Variants in SVOPL observed in about 807,000 individuals in gnomAD.
SVOPL encodes the protein putative transporter SVOPL.
SVOPL carries 60 observed loss-of-function variants against 61.0 expected under a neutral mutation model. The observed-to-expected ratio is 0.98, with a 90% confidence interval of 0.80 to 1.22. The LOEUF (loss-of-function observed/expected upper bound fraction) is 1.22, where lower values mean the gene tolerates loss of function less well. Ranked by LOEUF, SVOPL falls within the 50% of genes most tolerant of loss-of-function variation. SVOPL has a pLI of 0.00. For synonymous variants in SVOPL, 279 were observed against 250.0 expected, an observed-to-expected ratio of 1.12 and a Z score of -1.09; for missense variants, 662 against 643.9, an observed-to-expected ratio of 1.03 and a Z score of -0.30.
intron 9 of SVOPL, among the ~76,000 whole-genome samples, chr7:138,631,937 G>T (rs898030847): frequency 1.8e-4 from 25 of 137,434 alleles, no homozygotes; most frequent in Non-Finnish European, 3.2e-4. Flanking sequence ...GACTGCCATG[G>T]CTCAGTCCCT....
rs1798289075 is a variant in SVOPL at position 138,596,521 on chromosome 7, T to A, written c.1363A>T (p.Ser455Cys). 6.2e-7 allele frequency: 1 copy of A among 1,613,478 alleles called. No homozygotes were observed. The highest frequency in any genetic ancestry group is 1.3e-5 in the African/African-American group (1 of 74,902). ...VAPFISQVLM[S>C]ASILGALCLF... ...CACAGGGCCCCCAGTATTGATGCACTCATAAGAACCTGCAAGTCACAAGAG... is the reference window on the plus strand; with the variant it reads ...CACAGGGCCCCCAGTATTGATGCACACATAAGAACCTGCAAGTCACAAGAG... Residue 455 changes from serine (S) to cysteine (C), a missense_variant, in exon 15 of 16, where the codon AGT (serine) becomes TGT (cysteine). Ser to Cys is a moderately radical substitution (Grantham distance 112). Transcript: ENST00000674285.
chr7:138,646,142 G>C, intron 8 of SVOPL: 1 of 203,884 alleles, frequency 4.9e-6, no homozygotes, highest in South Asian at 7.6e-5. Flanking sequence ...TTTTCTGCAC[G>C]AGTTTCAGGA....
At chr7:138,659,406 C>T (rs759554084) in intron 6 of SVOPL, among the ~76,000 whole-genome samples, 1 of 151,720 alleles carries the variant, frequency 6.6e-6, no homozygotes, top group Non-Finnish European at 1.5e-5. Flanking sequence ...GCAAAAGAAT[C>T]GCTTGAACCC....
chr7:138,612,424 T>TAAAAAAAAAAAAAAAAAAAAA (rs1281500368), intron 14 of SVOPL, among the ~76,000 whole-genome samples: 1 of 41,200 alleles, frequency 2.4e-5, no homozygotes, highest in Non-Finnish European at 5.2e-5. Context: ...AAAAAAAAAA[T>TAAAAAAAAAAAAAAAAAAAAA]AAAATAAAAA....
chr7:138,596,318 ATTAG>A, intron 15 of SVOPL, 95 bp downstream of exon 15: 2 of 955,324 alleles, frequency 2.1e-6, no homozygotes, highest in South Asian at 1.9e-5. Flanking sequence ...GATATGAATT[ATTAG>A]TTATTTTAAC....
intron 9 of SVOPL, among the ~76,000 whole-genome samples, chr7:138,639,953 G>A (rs1800701112): frequency 6.6e-6 from 1 of 151,734 alleles, no homozygotes; most frequent in South Asian, 2.1e-4. Context: ...AAGGGGTCCT[G>A]TTTTGATGCC....
chr7:138,641,237 A>T (rs1195995109), intron 9 of SVOPL, among the ~76,000 whole-genome samples: 2 of 151,418 alleles, frequency 1.3e-5, no homozygotes, highest in East Asian at 1.9e-4. Context: ...ATTAAAAAAA[A>T]AAAAAAAACT....
Position 138,621,064 on chromosome 7 carries a change from C to T in SVOPL, c.1335G>A (p.Val445=). 6.2e-7 allele frequency: 1 copy of T among 1,613,618 alleles called. No homozygotes were observed. The highest frequency in any genetic ancestry group is 8.5e-7 in the Non-Finnish European group (1 of 1,179,784). The change falls in exon 14 of 16, where the codon GTG becomes GTA. Residue 445 remains valine, a synonymous_variant. Transcript: ENST00000674285. ...SGSLCRIGAM[V]APFISQVLMS... Reference sequence around the variant, plus strand: ...GCTGTACCTGGGATATAAATGGTGCCACCATTGCACCAATGCGACACAGGG... The same window carrying T: ...GCTGTACCTGGGATATAAATGGTGCTACCATTGCACCAATGCGACACAGGG...
In SVOPL at chr7:138,662,715, T is replaced by TG; in HGVS notation, c.345+358dup. ...CACCACCACAGTAAACTGGACGTGG[T>TG]GGGGGCATCTAACCAACCCATGACT... On this transcript the variant is annotated intron_variant, in intron 5 of 15. Coordinates refer to ENST00000674285, the MANE Select transcript of SVOPL (RefSeq NM_001139456.2). The TG allele has an allele frequency of 2.8e-6, 3 of 1,062,562 alleles. No individual in the cohort carries two copies. The South Asian group carries it at 1.1e-4, about 38-fold the overall frequency. The allele number at this position is 1,062,562 out of a possible 1,614,324, so 65.8% of individuals were successfully genotyped here.
In SVOPL at chr7:138,647,352, G is replaced by C. The variant is rs924064851; in HGVS notation, c.660+1660C>G. 3.3e-5 allele frequency among the ~76,000 whole-genome samples: 5 copies of C among 152,258 alleles called. No homozygotes were observed. In the South Asian group the frequency reaches 6.2e-4, roughly 19 times the overall value. Reference sequence around the variant, plus strand: ...GCTGAGATCGCACCATTGCACTCCAGCCTGGGCAACAAGAGTGAAACGCCA... The same window carrying C: ...GCTGAGATCGCACCATTGCACTCCACCCTGGGCAACAAGAGTGAAACGCCA... On this transcript the variant is annotated intron_variant, in intron 8 of 15. Coordinates refer to ENST00000674285, the MANE Select transcript of SVOPL (RefSeq NM_001139456.2).
chr7:138,687,604 G>C (rs1271314407), intron 1 of SVOPL, among the ~76,000 whole-genome samples: 2 of 150,330 alleles, frequency 1.3e-5, no homozygotes, highest in Non-Finnish European at 3.0e-5. Flanking sequence ...GCCCAGGCTG[G>C]AGTGCTACCA....
chr7:138,608,166 G>A (rs993045804), intron 14 of SVOPL, among the ~76,000 whole-genome samples: 5 of 152,094 alleles, frequency 3.3e-5, no homozygotes, highest in Admixed American at 1.3e-4. Context: ...CATAGACAAC[G>A]CTATCAGAAA....
chr7:138,607,139 G>A (rs1187214561), intron 14 of SVOPL, among the ~76,000 whole-genome samples: 1 of 152,034 alleles, frequency 6.6e-6, no homozygotes, highest in Non-Finnish European at 1.5e-5. Flanking sequence ...GATGTCAGGA[G>A]TTTAATTTCA....
chr7:138,698,097 A>G (rs1197448333), intron 1 of SVOPL, among the ~76,000 whole-genome samples: 1 of 149,280 alleles, frequency 6.7e-6, no homozygotes, highest in African/African-American at 2.5e-5. Flanking sequence ...GGAAGGGAAG[A>G]AAGGAAGGGA....
intron 9 of SVOPL, 32 bp from the exon 10 acceptor site, chr7:138,630,154 C>A: frequency 6.5e-7 from 1 of 1,544,530 alleles, no homozygotes; most frequent in South Asian, 1.1e-5. Flanking sequence ...AGAACATACT[C>A]AGCAGCTTAA....
At chr7:138,596,662 C>G in intron 14 of SVOPL, 132 bp from the exon 15 acceptor site, 2 of 1,405,864 alleles carry the variant, frequency 1.4e-6, no homozygotes, top group Non-Finnish European at 1.9e-6. Flanking sequence ...GTTGTACCTT[C>G]CTGACAAATT....
chr7:138,687,907 T>C (rs1482129033), intron 1 of SVOPL, among the ~76,000 whole-genome samples: 1 of 152,162 alleles, frequency 6.6e-6, no homozygotes, highest in East Asian at 1.9e-4. Flanking sequence ...GTTCAAGTGA[T>C]TCTCCTGCCT....
At chr7:138,680,760 A>G (rs1047361647) in intron 1 of SVOPL, among the ~76,000 whole-genome samples, 1 of 152,170 alleles carries the variant, frequency 6.6e-6, no homozygotes, top group Non-Finnish European at 1.5e-5. Context: ...TTGTATTTTT[A>G]GTAGACACGG....
chr7:138,672,068 A>T lies in SVOPL; in HGVS notation c.224T>A (p.Ile75Asn). The T allele has an allele frequency of 6.4e-7, 1 of 1,551,684 alleles. No individual in the cohort carries two copies. Among genetic ancestry groups the T allele is most frequent in the South Asian group, 1.2e-5 (1 of 84,054 alleles). Residue 75 changes from isoleucine to asparagine, a missense_variant, in exon 4 of 16, where the codon ATC becomes AAC. Physicochemically the swap from Ile to Asn is moderately radical, Grantham distance 149. Coordinates refer to ENST00000674285, the MANE Select transcript of SVOPL (RefSeq NM_001139456.2). ...ATTCTCCAGTTGCCATTCACAGCGG[A>T]TGACAGGAGACACAACAGCTATCAA... ...IMLIAVVSPVIRCEWQLENWQ... is the reference protein window; with the variant it reads ...IMLIAVVSPVNRCEWQLENWQ...
Sources: allele counts gnomAD v4.1 joint callset (sites outside exome capture counted in the v4.1 genomes callset), GRCh38; gene constraint gnomAD v4.1.1; transcripts MANE v1.5; gene names NCBI Gene and HGNC (gene_info 2026-07-23, HGNC 2026-07-21).